Variants in MEP1A observed in about 807,000 individuals in gnomAD.
The protein encoded by MEP1A is N-benzoyl-L-tyrosyl-P-amino-benzoic acid hydrolase subunit alpha.
Under a neutral mutation model 84.5 loss-of-function variants are expected in MEP1A, and 68 were observed. The ratio of observed to expected loss-of-function variants is 0.80; its 90% confidence interval spans 0.66 to 0.98. The LOEUF (loss-of-function observed/expected upper bound fraction) is 0.98. Ranked by LOEUF, MEP1A falls within the 50% of genes least tolerant of loss-of-function variation. The pLI is 0.00. For synonymous variants in MEP1A, 337 were observed against 336.8 expected (o/e 1.00, Z -0.01); for missense variants, 887 against 919.9 (o/e 0.96, Z 0.46).
chr6:46,813,892 G>A (rs1208465646), intron 6 of MEP1A, among the ~76,000 whole-genome samples: 2 of 152,174 alleles, frequency 1.3e-5, no homozygotes, highest in Admixed American at 6.5e-5. Flanking sequence ...ATGCCTTCTA[G>A]CTTGTAGGGT....
chr6:46,838,308 A>C (rs1436016486), intron 13 of MEP1A, among the ~76,000 whole-genome samples: 1 of 152,220 alleles, frequency 6.6e-6, no homozygotes, highest in Non-Finnish European at 1.5e-5. Context: ...TGGATGAGAC[A>C]CTACAAGTTA....
At chr6:46,808,740 C>T (rs1198774920) in intron 5 of MEP1A, among the ~76,000 whole-genome samples, 1 of 151,986 alleles carries the variant, frequency 6.6e-6, no homozygotes, top group Non-Finnish European at 1.5e-5. Context: ...CCCTTCAAGT[C>T]CATTAGGCTT....
downstream of MEP1A, among the ~76,000 whole-genome samples, chr6:46,844,740 T>A (rs1384111918): frequency 6.6e-6 from 1 of 152,130 alleles, no homozygotes; most frequent in Non-Finnish European, 1.5e-5. Flanking sequence ...AAACTCCAAC[T>A]GGTCAAATGG....
intron 5 of MEP1A, among the ~76,000 whole-genome samples, chr6:46,801,984 C>G (rs978805120): frequency 8.6e-5 from 13 of 151,904 alleles, no homozygotes; most frequent in African/African-American, 3.1e-4. Flanking sequence ...TCAAAAATCA[C>G]TATGTTGATT....
At chr6:46,802,540 T>G (rs1767219020) in intron 5 of MEP1A, among the ~76,000 whole-genome samples, 1 of 151,938 alleles carries the variant, frequency 6.6e-6, no homozygotes, top group African/African-American at 2.4e-5. Context: ...TACTGGTTCC[T>G]TTCCAATTTT....
At position 46,830,720 on chromosome 6, in the gene MEP1A, G is replaced by A. The variant is rs186304780; in HGVS notation, c.1144+1149G>A. 2.1e-3 allele frequency among the ~76,000 whole-genome samples: 319 copies of A among 152,242 alleles called. 1 individual carries two copies. Among genetic ancestry groups the A allele is most frequent in the Non-Finnish European group, 2.1e-3 (140 of 68,016 alleles). On this transcript the variant is annotated intron_variant, in intron 10 of 13. Coordinates refer to ENST00000230588, the MANE Select transcript of MEP1A (RefSeq NM_005588.3). Reference sequence around the variant, plus strand: ...TCTTGAAGAAGAAACCTTCCTTAGAGGTCACTTGTAAGAACAGGTGCCCAA... The same window carrying A: ...TCTTGAAGAAGAAACCTTCCTTAGAAGTCACTTGTAAGAACAGGTGCCCAA...
rs58902344 is a variant in MEP1A at position 46,834,435 on chromosome 6, ATATTTATTTATTTATT to A, written c.1610-109_1610-94del. 2.3e-3 allele frequency: 472 copies of A among 201,476 alleles called. 3 individuals carry two copies. The highest frequency in any genetic ancestry group is 0.016 in the East Asian group (127 of 7,732). 12.5% of individuals were successfully genotyped at this position (201,476 alleles called of 1,614,324 possible). A position where few individuals can be genotyped will look rare whatever the true frequency, so the allele number is the denominator to read the frequency against. On this transcript the variant is annotated intron_variant, in intron 11 of 13. Coordinates refer to ENST00000230588, the MANE Select transcript of MEP1A (RefSeq NM_005588.3). ...TTTTTCCAACACTTTTTTTATTTTT[ATATTTATTTATTTATT>A]TATTTATTTATTTATTTATTTATTT...
At chr6:46,806,242 T>A (rs1248453908) in intron 5 of MEP1A, among the ~76,000 whole-genome samples, 4 of 152,084 alleles carry the variant, frequency 2.6e-5, no homozygotes, top group Non-Finnish European at 2.9e-5. Context: ...AATAACAATT[T>A]CCTGTTCCTT....
intron 5 of MEP1A, among the ~76,000 whole-genome samples, chr6:46,807,568 G>GAAAGAAAGAAA (rs1343800950): frequency 3.3e-4 from 14 of 42,968 alleles, no homozygotes; most frequent in African/African-American, 1.5e-3. Context: ...AAGAAAGAAA[G>GAAAGAAAGAAA]GAAGGAAGGA....
intron 6 of MEP1A, among the ~76,000 whole-genome samples, chr6:46,816,028 C>T (rs1256847222): frequency 1.3e-5 from 2 of 152,026 alleles, no homozygotes; most frequent in African/African-American, 4.8e-5. Context: ...CCTCCATCTC[C>T]CGGGCTCAAG....
chr6:46,805,271 C>A (rs1159766549), intron 5 of MEP1A, among the ~76,000 whole-genome samples: 1 of 151,926 alleles, frequency 6.6e-6, no homozygotes, highest in East Asian at 1.9e-4. Flanking sequence ...CAACCACAAA[C>A]AATGTACGTG....
chr6:46,801,367 A>G (rs1221460799), intron 5 of MEP1A, among the ~76,000 whole-genome samples: 1 of 152,090 alleles, frequency 6.6e-6, no homozygotes, highest in Non-Finnish European at 1.5e-5. Context: ...TTCCCTAATG[A>G]TTAGTGATAT....
At chr6:46,799,635 T>C (rs1767148864) in intron 5 of MEP1A, among the ~76,000 whole-genome samples, 3 of 152,218 alleles carry the variant, frequency 2.0e-5, no homozygotes. Flanking sequence ...TCCTTTTTTC[T>C]TGGTGTTATT....
At chr6:46,826,567 C>A (rs900543717) in intron 9 of MEP1A, 64 bp downstream of exon 9, 39 of 1,317,036 alleles carry the variant, frequency 3.0e-5, no homozygotes, top group Admixed American at 1.4e-4. Context: ...GTTATGCCAG[C>A]CACCATGTTT....
At chr6:46,813,306 G>T (rs767378833) in intron 6 of MEP1A, among the ~76,000 whole-genome samples, 1 of 152,010 alleles carries the variant, frequency 6.6e-6, no homozygotes, top group Non-Finnish European at 1.5e-5. Context: ...AAATCAAGAC[G>T]GAAATATAAA....
downstream of MEP1A, among the ~76,000 whole-genome samples, chr6:46,842,851 C>G (rs970571416): frequency 6.6e-6 from 1 of 152,150 alleles, no homozygotes; most frequent in Non-Finnish European, 1.5e-5. Context: ...TCTTTGTACT[C>G]TTTCTCTTTA....
intron 9 of MEP1A, 77 bp downstream of exon 9, chr6:46,826,580 C>T: frequency 8.0e-7 from 1 of 1,255,858 alleles, no homozygotes; most frequent in Non-Finnish European, 1.0e-6. Context: ...CCATGTTTTG[C>T]CTCAGTCAGA....
intron 6 of MEP1A, among the ~76,000 whole-genome samples, chr6:46,818,625 C>T (rs527290552): frequency 3.9e-5 from 6 of 152,108 alleles, no homozygotes; most frequent in African/African-American, 7.2e-5. Context: ...CAGAGGTTCC[C>T]GAGCCCACTG....
At chr6:46,822,626 C>T (rs1767806858) in intron 7 of MEP1A, among the ~76,000 whole-genome samples, 1 of 152,102 alleles carries the variant, frequency 6.6e-6, no homozygotes, top group African/African-American at 2.4e-5. Flanking sequence ...TCACTACAAC[C>T]TCCACCTCCT....
Sources: gnomAD v4.1 joint callset for allele counts (sites outside exome capture counted in the v4.1 genomes callset) on GRCh38, gnomAD v4.1.1 for gene constraint, MANE v1.5 for transcripts, NCBI Gene and HGNC (gene_info 2026-07-23, HGNC 2026-07-21) for gene names.